The following TBC1D15 variants were observed in gnomAD, a reference collection of about 807,000 sequenced individuals.
TBC1D15 encodes TBC1 domain family member 15.
A neutral mutation model predicts 95.4 loss-of-function variants in TBC1D15; 39 were observed. The ratio of observed to expected loss-of-function variants is 0.41; its 90% CI spans 0.32 to 0.53. The LOEUF (loss-of-function observed/expected upper bound fraction) is 0.53. TBC1D15 is among the 20% of genes least tolerant of loss of function. The pLI, the probability that TBC1D15 is intolerant of heterozygous loss-of-function variation, is 0.29. For missense variants in TBC1D15, 733 were observed against 794.3 expected, an observed-to-expected ratio of 0.92 and a Z score of 0.93; for synonymous variants, 258 against 261.3, an observed-to-expected ratio of 0.99 and a Z score of 0.12.
chr12:71,863,949 A>T (rs1472925702), intron 1 of TBC1D15, among the ~76,000 whole-genome samples: 2 of 145,320 alleles, frequency 1.4e-5, no homozygotes, highest in African/African-American at 5.5e-5. Context: ...AATTATCTGT[A>T]TTTTTTTTGT....
intron 11 of TBC1D15, among the ~76,000 whole-genome samples, chr12:71,910,700 G>A (rs1902026848): frequency 6.6e-6 from 1 of 152,180 alleles, no homozygotes; most frequent in South Asian, 2.1e-4. Context: ...TACCATTCAG[G>A]ACATAGGCAT....
At chr12:71,854,247 T>A (rs571284398) in intron 1 of TBC1D15, among the ~76,000 whole-genome samples, 2 of 152,346 alleles carry the variant, frequency 1.3e-5, no homozygotes, top group South Asian at 2.1e-4. Context: ...TTTCACAGAT[T>A]GGTCAGTATT....
At chr12:71,854,604 T>A (rs185015845) in intron 1 of TBC1D15, 1 of 456,708 alleles carries the variant, frequency 2.2e-6, no homozygotes, top group Admixed American at 2.3e-5. Flanking sequence ...TAACAGATGG[T>A]ATGTATTTAG....
chr12:71,884,938 C>T lies in TBC1D15; in HGVS notation c.471C>T (p.Asp157=), dbSNP rs200977186. 100 of 1,614,014 alleles carry T rather than the reference C, an allele frequency of 6.2e-5. No individual in the cohort carries two copies. The Admixed American group carries it at 6.7e-4, about 11-fold the overall frequency. Residue 157 remains aspartate, a synonymous_variant, in exon 5 of 17, where the codon GAC becomes GAT. Transcript: ENST00000485960. Reference sequence around the variant, plus strand: ...ATTTGGTATTCTGTCTAAAGGATGACGTCGTTCTCCCTGCTCTACACTTTC... The same window carrying T: ...ATTTGGTATTCTGTCTAAAGGATGATGTCGTTCTCCCTGCTCTACACTTTC... The part of the protein sequence containing the change: ...WSYLVFCLKD[D]VVLPALHFHQ...
chr12:71,849,352 AG>A, intron 1 of TBC1D15: 1 of 1,353,340 alleles, frequency 7.4e-7, no homozygotes, highest in South Asian at 1.2e-5. Context: ...TGGAGCTTCT[AG>A]CTGTTGTCCA....
Position 71,923,247 on chromosome 12 carries a change from C to G in TBC1D15, c.*43C>G. On this transcript the variant is annotated 3_prime_UTR_variant, in exon 17 of 17. Transcript: ENST00000485960. ...TTGGGAAGAGACACTTTGTTGCAAC[C>G]CTTTTTCAAGTACTTGAAAGTTGAA... 1.9e-6 allele frequency: 3 copies of G among 1,590,076 alleles called. No homozygotes were observed. The highest frequency in any genetic ancestry group is 2.2e-5 in the South Asian group (2 of 89,942).
rs11178983 is a variant in TBC1D15 at position 71,913,857 on chromosome 12, C to G, written c.1332C>G (p.Ser444=). 0.075 allele frequency: 119,254 copies of G among 1,580,486 alleles called. 5,159 individuals are homozygous for G. The highest frequency in any genetic ancestry group is 0.15 in the South Asian group (12,399 of 85,270). The change falls in exon 12 of 17, where the codon TCC becomes TCG. Residue 444 remains serine (S), a synonymous_variant. Coordinates refer to ENST00000485960, the MANE Select transcript of TBC1D15 (RefSeq NM_001146213.3). ...TTCAAGGAATGAGTGATTTACTTTCCCCTCTTTTATATGTGATGGAAAATG... is the reference window on the plus strand; with the variant it reads ...TTCAAGGAATGAGTGATTTACTTTCGCCTCTTTTATATGTGATGGAAAATG... ...GYVQGMSDLL[S]PLLYVMENEV...
At chr12:71,914,631 C>G (rs1903240572) in intron 12 of TBC1D15, among the ~76,000 whole-genome samples, 1 of 151,894 alleles carries the variant, frequency 6.6e-6, no homozygotes, top group Admixed American at 6.6e-5. Flanking sequence ...GTCCAAAGAC[C>G]TGACTACATA....
At chr12:71,895,388 T>C (rs543666816) in intron 7 of TBC1D15, among the ~76,000 whole-genome samples, 3 of 152,212 alleles carry the variant, frequency 2.0e-5, no homozygotes, top group South Asian at 4.1e-4. Flanking sequence ...ACTATAAATA[T>C]CTAAATTTTA....
intron 1 of TBC1D15, among the ~76,000 whole-genome samples, chr12:71,858,494 T>TC (rs903334773): frequency 6.7e-6 from 1 of 150,064 alleles, no homozygotes; most frequent in African/African-American, 2.4e-5. Flanking sequence ...TTTTCTTTTT[T>TC]TTTTTTTGAA....
At chr12:71,840,100 C>CTAGT (rs1348245316) in intron 1 of TBC1D15, among the ~76,000 whole-genome samples, 1 of 152,218 alleles carries the variant, frequency 6.6e-6, no homozygotes, top group African/African-American at 2.4e-5. Flanking sequence ...AGGTGGCTCT[C>CTAGT]TAGTTCCTTT....
At chr12:71,906,759 G>A (rs1002279242) in intron 10 of TBC1D15, among the ~76,000 whole-genome samples, 2 of 151,634 alleles carry the variant, frequency 1.3e-5, no homozygotes, top group Admixed American at 1.3e-4. Flanking sequence ...TTTCCACTAT[G>A]CAGTTAAAAG....
chr12:71,852,060 C>T (rs1034260985), intron 1 of TBC1D15, among the ~76,000 whole-genome samples: 4 of 152,236 alleles, frequency 2.6e-5, no homozygotes, highest in African/African-American at 7.2e-5. Flanking sequence ...CAGGCTTTTC[C>T]ATACATCCTC....
intron 10 of TBC1D15, among the ~76,000 whole-genome samples, chr12:71,904,930 A>C (rs911328458): frequency 1.6e-4 from 24 of 152,220 alleles, no homozygotes; most frequent in Non-Finnish European, 7.4e-5. Context: ...GTGATGGTGA[A>C]TATAAAATGG....
chr12:71,870,982 A>G (rs1208419571), intron 1 of TBC1D15, among the ~76,000 whole-genome samples: 2 of 152,214 alleles, frequency 1.3e-5, no homozygotes, highest in East Asian at 1.9e-4. Context: ...CAGAAATAGA[A>G]TAATATACAC....
intron 9 of TBC1D15, among the ~76,000 whole-genome samples, 193 bp downstream of exon 9, chr12:71,896,973 G>A (rs1004031890): frequency 6.6e-6 from 1 of 151,954 alleles, no homozygotes; most frequent in African/African-American, 2.4e-5. Flanking sequence ...GCACCTTTTT[G>A]CATTTATTTT....
chr12:71,896,154 G>A lies in TBC1D15; in HGVS notation c.984+79G>A, dbSNP rs556647488. On this transcript the variant is annotated intron_variant, in intron 8 of 16. Coordinates refer to ENST00000485960, the MANE Select transcript of TBC1D15 (RefSeq NM_001146213.3). Reference sequence around the variant, plus strand: ...TTTTGTTGTTATCGTTACTGTTTTGGTGTGTTTTTTTTTGTTGTTGGTTTT... The same window carrying A: ...TTTTGTTGTTATCGTTACTGTTTTGATGTGTTTTTTTTTGTTGTTGGTTTT... The A allele has an allele frequency of 5.7e-4, 750 of 1,326,768 alleles. 6 individuals carry two copies. The highest frequency in any genetic ancestry group is 4.8e-3 in the South Asian group (263 of 54,990). 82.2% of individuals were successfully genotyped at this position (1,326,768 alleles called of 1,614,324 possible).
At position 71,921,359 on chromosome 12, in the gene TBC1D15, A is replaced by T. The variant is rs1013901908; in HGVS notation, c.1717-9A>T. The T allele has an allele frequency of 2.6e-6, 4 of 1,510,110 alleles. No individual in the cohort carries two copies. Among genetic ancestry groups the T allele is most frequent in the Non-Finnish European group, 3.6e-6 (4 of 1,112,260 alleles). The allele number at this position is 1,510,110 out of a possible 1,614,324, so 93.5% of individuals were successfully genotyped here. ...TTCGATATCATTTTATTTTGTTGAT[A>T]CTTTTTAGCATATCAATGAATTGTC... On this transcript the variant is annotated splice_polypyrimidine_tract_variant and intron_variant, in intron 15 of 16. Coordinates refer to ENST00000485960, the MANE Select transcript of TBC1D15 (RefSeq NM_001146213.3).
intron 1 of TBC1D15, among the ~76,000 whole-genome samples, chr12:71,840,204 G>T (rs752360284): frequency 6.6e-6 from 1 of 152,160 alleles, no homozygotes; most frequent in African/African-American, 2.4e-5. Context: ...AACCCGACTT[G>T]CCTCTGTCTT....
Sources: allele counts gnomAD v4.1 joint callset (sites outside exome capture counted in the v4.1 genomes callset), GRCh38; gene constraint gnomAD v4.1.1; transcripts MANE v1.5; gene names NCBI Gene and HGNC (gene_info 2026-07-23, HGNC 2026-07-21).